The following MORN5 variants were observed in gnomAD, a reference collection of about 807,000 sequenced individuals.
MORN5 encodes the protein MORN repeat containing 5.
Under a neutral mutation model 22.1 loss-of-function variants are expected in MORN5, and 21 were observed. That is an observed-to-expected ratio of 0.95 (90% confidence interval 0.67 to 1.37). The LOEUF (loss-of-function observed/expected upper bound fraction) is 1.37, where lower values mean the gene tolerates loss of function less well. MORN5 is among the 40% of genes most tolerant of loss of function. The probability of loss-of-function intolerance (pLI) is 0.00; values close to 1 mark genes in which losing one functional copy is unlikely to be tolerated. For synonymous variants in MORN5, 73 were observed against 74.0 expected (o/e 0.99, Z 0.07); for missense variants, 211 against 215.1 (o/e 0.98, Z 0.12).
At chr9:122,188,101 G>C (rs1473614561) in intron 4 of MORN5, among the ~76,000 whole-genome samples, 1 of 152,222 alleles carries the variant, frequency 6.6e-6, no homozygotes, top group African/African-American at 2.4e-5. Context: ...TCTCAGTGAG[G>C]CATTCAAGGC....
intron 3 of MORN5, among the ~76,000 whole-genome samples, chr9:122,172,750 C>T (rs868245274): frequency 2.0e-4 from 30 of 152,164 alleles, no homozygotes; most frequent in Middle Eastern, 6.3e-3. Context: ...AGTGGGTACT[C>T]GTTAAAGAGT....
intron 1 of MORN5, among the ~76,000 whole-genome samples, chr9:122,166,407 A>G (rs1444822782): frequency 3.3e-5 from 5 of 152,080 alleles, no homozygotes; most frequent in Non-Finnish European, 7.4e-5. Context: ...CAGAGAAATC[A>G]CAGAACTAGC....
chr9:122,172,822 G>A (rs1421236037), intron 3 of MORN5, among the ~76,000 whole-genome samples: 1 of 152,184 alleles, frequency 6.6e-6, no homozygotes, highest in African/African-American at 2.4e-5. Flanking sequence ...GTGCTTAGGG[G>A]AGTTAAGGCA....
chr9:122,197,936 C>A lies in MORN5; in HGVS notation c.440-1949C>A, dbSNP rs1277835118. Among the ~76,000 whole-genome samples, 1 of 152,216 alleles carries A rather than the reference C, an allele frequency of 6.6e-6. No individual in the cohort carries two copies. The highest frequency in any genetic ancestry group is 2.4e-5 in the African/African-American group (1 of 41,458). ...CCTCCCCAGAGGAAACTGAGGCTCA[C>A]TGGCTGCTTGCCAGAGTGTGCCAGG... On this transcript the variant is annotated intron_variant, in intron 4 of 4. Coordinates refer to ENST00000373764, the MANE Select transcript of MORN5 (RefSeq NM_198469.4). This position sits in a 1 kb window ranked among gnomAD's most constrained non-coding sequence, Gnocchi z 5.7.
intron 1 of MORN5, among the ~76,000 whole-genome samples, chr9:122,160,530 T>TTTTTC (rs888873083): frequency 8.6e-5 from 13 of 151,770 alleles, no homozygotes; most frequent in South Asian, 2.1e-4. Context: ...CAACAGTTTT[T>TTTTTC]TTTTCTTTTC....
intron 4 of MORN5, among the ~76,000 whole-genome samples, chr9:122,189,943 G>A (rs1191384163): frequency 6.6e-6 from 1 of 152,076 alleles, no homozygotes; most frequent in African/African-American, 2.4e-5. Flanking sequence ...CTGGCTGTGT[G>A]GCACTTAGTG....
At chr9:122,177,387 C>T (rs1300947510) in intron 4 of MORN5, among the ~76,000 whole-genome samples, 3 of 152,196 alleles carry the variant, frequency 2.0e-5, no homozygotes, top group African/African-American at 7.2e-5. Flanking sequence ...CCCACCATTG[C>T]CAAGTTAAGT....
intron 3 of MORN5, among the ~76,000 whole-genome samples, chr9:122,173,622 T>C (rs1166496113): frequency 1.3e-5 from 2 of 152,186 alleles, no homozygotes; most frequent in East Asian, 3.9e-4. Flanking sequence ...TGAGAAGTTA[T>C]TTATTCCAAC....
chr9:122,194,605 G>C (rs1037447521), intron 4 of MORN5, among the ~76,000 whole-genome samples: 1 of 152,188 alleles, frequency 6.6e-6, no homozygotes, highest in Non-Finnish European at 1.5e-5. Flanking sequence ...GCTTATTCCA[G>C]ACTTCATCTG....
chr9:122,167,343 C>T (rs1040142128), intron 2 of MORN5, among the ~76,000 whole-genome samples: 3 of 146,688 alleles, frequency 2.0e-5, no homozygotes, highest in African/African-American at 5.0e-5. Context: ...TGTGAGCCAC[C>T]GCACCTGACC....
chr9:122,164,694 G>A (rs1829250315), intron 1 of MORN5: 1 of 903,350 alleles, frequency 1.1e-6, no homozygotes, highest in African/African-American at 1.8e-5. Flanking sequence ...TGTAGAACTT[G>A]AATATGGAGA....
At chr9:122,187,891 G>C (rs1230233765) in intron 4 of MORN5, among the ~76,000 whole-genome samples, 4 of 152,192 alleles carry the variant, frequency 2.6e-5, no homozygotes, top group Non-Finnish European at 5.9e-5. Flanking sequence ...TCCTGGAAAA[G>C]GTGGAGTTTG....
intron 4 of MORN5, chr9:122,175,736 G>A: frequency 1.0e-6 from 1 of 977,152 alleles, no homozygotes; most frequent in Non-Finnish European, 1.2e-6. Context: ...CATCTGTGCT[G>A]GTGAATGAGA....
chr9:122,195,858 T>C (rs1260538514), intron 4 of MORN5, among the ~76,000 whole-genome samples: 2 of 152,218 alleles, frequency 1.3e-5, no homozygotes, highest in Non-Finnish European at 2.9e-5. Context: ...CACGGATTTG[T>C]CTATTCTGAT....
intron 1 of MORN5, among the ~76,000 whole-genome samples, chr9:122,166,287 T>C (rs1829279379): frequency 6.6e-6 from 1 of 151,824 alleles, no homozygotes; most frequent in African/African-American, 2.4e-5. Context: ...AGATTATATA[T>C]ATATATAATG....
At chr9:122,169,906 G>A in intron 3 of MORN5, 150 bp downstream of exon 3, 1 of 635,744 alleles carries the variant, frequency 1.6e-6, no homozygotes, top group Non-Finnish European at 2.8e-6. Context: ...AGGTCCTGGA[G>A]CCAGGAAGGC....
intron 4 of MORN5, chr9:122,175,389 T>C (rs1829435175): frequency 2.3e-6 from 2 of 884,324 alleles, no homozygotes; most frequent in Non-Finnish European, 2.7e-6. Context: ...GTTTGGTGAG[T>C]CAACACAAGG....
intron 4 of MORN5, among the ~76,000 whole-genome samples, chr9:122,191,347 C>T (rs965324859): frequency 4.6e-5 from 7 of 152,240 alleles, no homozygotes; most frequent in African/African-American, 1.7e-4. Context: ...CACACACTCG[C>T]AGCTTCACTG....
At chr9:122,180,282 C>CTTTTTTTTTT (rs938997436) in intron 4 of MORN5, among the ~76,000 whole-genome samples, 25 of 107,514 alleles carry the variant, frequency 2.3e-4, no homozygotes, top group African/African-American at 3.2e-4. Flanking sequence ...ACATTTTCTT[C>CTTTTTTTTTT]TTTTTTTTTT....
Sources: allele counts gnomAD v4.1 joint callset (sites outside exome capture counted in the v4.1 genomes callset), GRCh38; gene constraint gnomAD v4.1.1; non-coding constraint Gnocchi (gnomAD v3.1); transcripts MANE v1.5; gene names NCBI Gene and HGNC (gene_info 2026-07-23, HGNC 2026-07-21).